The following ENPP1 variants were observed in gnomAD, a reference collection of about 807,000 sequenced individuals.
ENPP1 encodes the protein ectonucleotide pyrophosphatase/phosphodiesterase 1, also known as ectonucleotide pyrophosphatase/phosphodiesterase family member 1.
Under a neutral mutation model 122.8 loss-of-function variants are expected in ENPP1, and 73 were observed. The ratio of observed to expected loss-of-function variants is 0.59; its 90% CI spans 0.49 to 0.72. The LOEUF is 0.72. Among genes scored for constraint, ENPP1 ranks in the 30% least tolerant of loss-of-function variants. The pLI is 0.00. For synonymous variants in ENPP1, 367 were observed against 391.6 expected, an observed-to-expected ratio of 0.94 and a Z score of 0.74; for missense variants, 978 against 1,128.1, an observed-to-expected ratio of 0.87 and a Z score of 1.91.
intron 19 of ENPP1, 73 bp from the exon 20 acceptor site, chr6:131,879,802 GGATTA>G (rs1374830020): frequency 7.9e-7 from 1 of 1,272,032 alleles, no homozygotes; most frequent in Non-Finnish European, 1.1e-6. Flanking sequence ...GTAGAGGAAA[GGATTA>G]GATGAGTGTA....
chr6:131,824,237 G>C (rs998710312), intron 1 of ENPP1, among the ~76,000 whole-genome samples: 2 of 152,054 alleles, frequency 1.3e-5, no homozygotes, highest in Non-Finnish European at 2.9e-5. Context: ...TTGTCCAGGA[G>C]GTCTGAGAAG....
At chr6:131,853,104 AT>A (rs1781901653) in intron 5 of ENPP1, among the ~76,000 whole-genome samples, 1 of 152,094 alleles carries the variant, frequency 6.6e-6, no homozygotes, top group African/African-American at 2.4e-5. Context: ...GACTATTAAA[AT>A]TTTTAAGCTG....
chr6:131,864,612 G>T (rs1022895577), intron 10 of ENPP1, 41 bp downstream of exon 10: 1 of 1,349,108 alleles, frequency 7.4e-7, no homozygotes, highest in Non-Finnish European at 1.1e-6. Context: ...ACTTCGTTTT[G>T]TAGAAATGAT....
intron 15 of ENPP1, among the ~76,000 whole-genome samples, chr6:131,873,634 T>G (rs1035135590): frequency 6.6e-6 from 1 of 152,094 alleles, no homozygotes; most frequent in Non-Finnish European, 1.5e-5. Context: ...GTTTGGCAAA[T>G]TATTTGGATG....
At chr6:131,841,353 T>C (rs1781737383) in intron 1 of ENPP1, among the ~76,000 whole-genome samples, 1 of 152,196 alleles carries the variant, frequency 6.6e-6, no homozygotes, top group African/African-American at 2.4e-5. Context: ...AGCATGCAAC[T>C]TTGGTCAAAG....
At position 131,860,695 on chromosome 6, in the gene ENPP1, A is replaced by G. The variant is rs1782010621; in HGVS notation, c.915+189A>G. 2.0e-5 allele frequency among the ~76,000 whole-genome samples: 3 copies of G among 152,164 alleles called. No individual in the cohort carries two copies. The South Asian group carries it at 6.2e-4, about 32-fold the overall frequency. On this transcript the variant is annotated intron_variant, in intron 8 of 24. Coordinates refer to ENST00000647893, the MANE Select transcript of ENPP1 (RefSeq NM_006208.3). ...TTGTATAATTGCGTAAAAGGAGAGT[A>G]GTTTATTTCAGAGGTGGATTTGGGT...
chr6:131,819,939 C>CTTT (rs35498599), intron 1 of ENPP1: 512 of 440,562 alleles, frequency 1.2e-3, no homozygotes, highest in South Asian at 2.3e-3. Flanking sequence ...TCCATAGCTT[C>CTTT]TTTTTTTTTT....
In ENPP1 at chr6:131,883,922, C is replaced by T. The variant is rs567088170; in HGVS notation, c.2311+148C>T. The T allele has an allele frequency of 7.0e-6, 4 of 572,222 alleles. No homozygotes were observed. The South Asian group carries it at 8.7e-5, about 12-fold the overall frequency. 35.4% of individuals were successfully genotyped at this position (572,222 alleles called of 1,614,324 possible). ...GTTTAACTTTGAGAATACTAGTACA[C>T]AAAAATTCTACAAATTATTAGAATT... On this transcript the variant is annotated intron_variant, in intron 22 of 24. Transcript: ENST00000647893.
At chr6:131,881,045 G>A (rs192133920) in intron 20 of ENPP1, among the ~76,000 whole-genome samples, 2 of 152,168 alleles carry the variant, frequency 1.3e-5, no homozygotes, top group African/African-American at 4.8e-5. Flanking sequence ...ATTTTAAACT[G>A]GGCTGAAACT....
chr6:131,841,169 G>A (rs533554781), intron 1 of ENPP1, among the ~76,000 whole-genome samples: 6 of 152,276 alleles, frequency 3.9e-5, no homozygotes, highest in Admixed American at 1.3e-4. Flanking sequence ...CTTTTGTAAT[G>A]CTCCAAAGTT....
At chr6:131,850,609 C>G (rs180857100) in intron 3 of ENPP1, among the ~76,000 whole-genome samples, 4 of 152,248 alleles carry the variant, frequency 2.6e-5, no homozygotes, top group African/African-American at 9.6e-5. Context: ...TGTTCTGTCA[C>G]CCAGGCTGGA....
intron 8 of ENPP1, among the ~76,000 whole-genome samples, chr6:131,861,287 T>A (rs1782019765): frequency 6.6e-6 from 1 of 152,238 alleles, no homozygotes. Flanking sequence ...TAATAAATGT[T>A]AGTTACATAC....
At chr6:131,813,391 ATGGT>A (rs1781377701) in intron 1 of ENPP1, among the ~76,000 whole-genome samples, 1 of 151,922 alleles carries the variant, frequency 6.6e-6, no homozygotes, top group African/African-American at 2.4e-5. Flanking sequence ...TTAGCAGGGC[ATGGT>A]AGTACATGCC....
intron 10 of ENPP1, 88 bp from the exon 11 acceptor site, chr6:131,864,778 T>G (rs1248011808): frequency 6.4e-6 from 6 of 938,022 alleles, no homozygotes; most frequent in Non-Finnish European, 7.0e-6. Flanking sequence ...GTTATAAAAT[T>G]TAATCCCTAT....
Position 131,882,417 on chromosome 6 carries a change from A to G in ENPP1, c.2173A>G (p.Lys725Glu). The change falls in exon 21 of 25, where the codon AAA becomes GAA. Residue 725 changes from lysine (K) to glutamate (E), a missense_variant. This residue lies in a region of ENPP1 where 644 missense variants were observed against 781.5 expected (regional missense o/e 0.82). Transcript: ENST00000647893. ...TAGAATTCCTCTTAGTCCTGTCCATAAATGTTCATTTTATAAAAATAACAC... is the reference window on the plus strand; with the variant it reads ...TAGAATTCCTCTTAGTCCTGTCCATGAATGTTCATTTTATAAAAATAACAC... ...DFRIPLSPVHKCSFYKNNTKV... is the reference protein window; with the variant it reads ...DFRIPLSPVHECSFYKNNTKV... 1.2e-6 allele frequency: 2 copies of G among 1,609,488 alleles called. No individual in the cohort carries two copies.
At chr6:131,858,491 A>T (rs1385705419) in intron 6 of ENPP1, among the ~76,000 whole-genome samples, 177 bp from the exon 7 acceptor site, 1 of 152,194 alleles carries the variant, frequency 6.6e-6, no homozygotes, top group African/African-American at 2.4e-5. Flanking sequence ...GTCATCTTTA[A>T]GATTGGATTT....
chr6:131,884,955 C>A lies in ENPP1; in HGVS notation c.2336C>A (p.Thr779Asn), dbSNP rs200239821. The change falls in exon 23 of 25, where the codon ACC becomes AAC. Residue 779 changes from threonine (T) to asparagine (N), a missense_variant. Transcript: ENST00000647893. ...GTTATATGGCGCTACTTTCATGACA[C>A]CCTACTGCGAAAGTATGCTGAAGAA... ...FQVIWRYFHD[T>N]LLRKYAEERN... is the part of the protein sequence containing the mutation. 855 of 1,614,032 alleles carry A rather than the reference C, an allele frequency of 5.3e-4. 9 individuals are homozygous for A. The South Asian group carries it at 6.1e-3, about 11-fold the overall frequency.
chr6:131,831,342 A>G lies in ENPP1; in HGVS notation c.241-16434A>G, dbSNP rs568628588. On this transcript the variant is annotated intron_variant, in intron 1 of 24. Transcript: ENST00000647893. Reference sequence around the variant, plus strand: ...CATGCCCAATTCCTCTGTCATTAACATCTTACATTAGTAAGGTCCATTTGT... The same window carrying G: ...CATGCCCAATTCCTCTGTCATTAACGTCTTACATTAGTAAGGTCCATTTGT... Among the ~76,000 whole-genome samples, 3 of 152,282 alleles carry G rather than the reference A, an allele frequency of 2.0e-5. No individual in the cohort carries two copies. The South Asian group carries it at 6.2e-4, about 32-fold the overall frequency.
intron 1 of ENPP1, chr6:131,828,171 G>A: frequency 1.7e-6 from 1 of 575,258 alleles, no homozygotes; most frequent in Admixed American, 1.9e-5. Flanking sequence ...TGATGTCCCG[G>A]GATTAGAGGA....
Sources: gnomAD v4.1 joint callset for allele counts (sites outside exome capture counted in the v4.1 genomes callset) on GRCh38, gnomAD v4.1.1 for gene constraint, gnomAD v4.1.1 regional missense constraint, MANE v1.5 for transcripts, NCBI Gene and HGNC (gene_info 2026-07-23, HGNC 2026-07-21) for gene names.